RFPL1: variants seen among roughly 807,000 people sequenced by gnomAD.
RFPL1 encodes ret finger protein like 1.
Under a neutral mutation model 9.6 loss-of-function variants are expected in RFPL1, and 6 were observed. The ratio of observed to expected loss-of-function variants is 0.62; its 90% CI spans 0.34 to 1.23. The LOEUF is 1.23. Among genes scored for constraint, RFPL1 ranks in the 50% most tolerant of loss-of-function variants. The probability of loss-of-function intolerance (pLI) is 0.03; values close to 1 mark genes in which losing one functional copy is unlikely to be tolerated. For synonymous variants in RFPL1, 145 were observed against 149.4 expected (o/e 0.97, Z 0.22); for missense variants, 352 against 398.4 (o/e 0.88, Z 0.99).
rs898104195 is a variant in RFPL1, at chr22:29,438,627, T to C, written c.-165T>C. The C allele has an allele frequency of 7.5e-6, 11 of 1,458,726 alleles. No individual in the cohort carries two copies. Among genetic ancestry groups the C allele is most frequent in the Admixed American group, 5.2e-5 (2 of 38,694 alleles). 90.4% of individuals were successfully genotyped at this position (1,458,726 alleles called of 1,614,324 possible). On this transcript the variant is annotated 5_prime_UTR_variant, in exon 1 of 2. It removes an upstream start codon present in the reference 5' UTR. Transcript: ENST00000354373. ...CTCAGTTGCTGGGTCACCAGTAGAA[T>C]GGACCCTTCCTCCACCTCAGTTCAG...
At chr22:29,410,411 ATATATAGATATATATATTGTAG>A in the RFPL1 span, among the ~76,000 whole-genome samples, 18 of 93,520 alleles carry the variant, frequency 1.9e-4, no homozygotes, top group African/African-American at 8.2e-4. Context: ...ATATATCTAT[ATATATAGATATATATATTGTAG>A]ATATATATAT....
the RFPL1 span, among the ~76,000 whole-genome samples, chr22:29,417,094 G>T: frequency 0.17 from 25,921 of 151,856 alleles, 2,751 homozygotes; most frequent in East Asian, 0.45. Flanking sequence ...AAGCCAAAAT[G>T]TATGTGTCAC....
chr22:29,414,140 T>C, the RFPL1 span, among the ~76,000 whole-genome samples: 1 of 152,054 alleles, frequency 6.6e-6, no homozygotes, highest in Admixed American at 6.5e-5. Context: ...CTTTCTGACT[T>C]ATTGGAAACA....
At chr22:29,427,954 A>G in the RFPL1 span, among the ~76,000 whole-genome samples, 1 of 152,198 alleles carries the variant, frequency 6.6e-6, no homozygotes, top group African/African-American at 2.4e-5. Flanking sequence ...TCTATATGGT[A>G]TATAAGCCCT....
At chr22:29,415,135 A>G in the RFPL1 span, among the ~76,000 whole-genome samples, 1 of 152,168 alleles carries the variant, frequency 6.6e-6, no homozygotes, top group South Asian at 2.1e-4. Context: ...ACTCAAATGG[A>G]GTGGACAAGT....
the RFPL1 span, among the ~76,000 whole-genome samples, chr22:29,399,273 A>G: frequency 6.6e-6 from 1 of 152,078 alleles, no homozygotes; most frequent in Non-Finnish European, 1.5e-5. Flanking sequence ...AAAAAAAAAA[A>G]AGTTTTAAAA....
intron 1 of RFPL1, 168 bp downstream of exon 1, chr22:29,439,332 T>C (rs1268657249): frequency 9.2e-7 from 1 of 1,087,888 alleles, no homozygotes; most frequent in Non-Finnish European, 1.3e-6. Flanking sequence ...AATCACCTGG[T>C]GATCTCCAAA....
chr22:29,416,087 C>A, the RFPL1 span, among the ~76,000 whole-genome samples: 14,668 of 152,240 alleles, frequency 0.096, 711 homozygotes, highest in African/African-American at 0.11. Context: ...TAGAGAATCC[C>A]TGTCCCCTTC....
the RFPL1 span, among the ~76,000 whole-genome samples, chr22:29,389,501 A>G: frequency 1.3e-5 from 2 of 151,486 alleles, no homozygotes; most frequent in African/African-American, 2.4e-5. Context: ...CCTGGTTAAC[A>G]TGGTGAAACC....
rs1299983652 is a variant in RFPL1 at position 29,438,744 on chromosome 22, A to T, written c.-48A>T. ...GGGATGTGCTTGAGTGTTTGTACTCATGGTCTTGTTCTAGAAGTGACAAAG... is the reference window on the plus strand; with the variant it reads ...GGGATGTGCTTGAGTGTTTGTACTCTTGGTCTTGTTCTAGAAGTGACAAAG... On this transcript the variant is annotated 5_prime_UTR_variant, in exon 1 of 2. An upstream start codon of the reference 5' UTR is lost. Transcript: ENST00000354373. 6.3e-7 allele frequency: 1 copy of T among 1,589,658 alleles called. No individual in the cohort carries two copies. The highest frequency in any genetic ancestry group is 1.7e-5 in the Admixed American group (1 of 58,276).
At chr22:29,440,248 TCCTC>T (rs1353697033) in intron 1 of RFPL1, 1 of 152,218 alleles carries the variant, frequency 6.6e-6, no homozygotes, top group African/African-American at 2.4e-5. Context: ...GGAACCCTCT[TCCTC>T]CTTCCTTGTC....
chr22:29,416,906 C>T, the RFPL1 span, among the ~76,000 whole-genome samples: 10 of 152,180 alleles, frequency 6.6e-5, no homozygotes, highest in South Asian at 4.1e-4. Context: ...ACATGGTACC[C>T]GTGGTCCCAG....
chr22:29,438,830 A>G, exon 1 of RFPL1: 2 of 1,613,854 alleles, frequency 1.2e-6, no homozygotes, highest in Non-Finnish European at 1.7e-6. Flanking sequence ...ACAGGCTTTC[A>G]CCTCACGGAA....
At chr22:29,393,805 C>T in the RFPL1 span, among the ~76,000 whole-genome samples, 1 of 152,122 alleles carries the variant, frequency 6.6e-6, no homozygotes, top group Non-Finnish European at 1.5e-5. Context: ...GACAGAGTCT[C>T]ACTCTTTTTG....
the RFPL1 span, among the ~76,000 whole-genome samples, chr22:29,401,421 A>G: frequency 6.6e-6 from 1 of 152,238 alleles, no homozygotes; most frequent in African/African-American, 2.4e-5. Context: ...TTCCATTTCA[A>G]TGTGACACTT....
the RFPL1 span, among the ~76,000 whole-genome samples, chr22:29,423,911 T>C: frequency 6.6e-6 from 1 of 152,188 alleles, no homozygotes; most frequent in African/African-American, 2.4e-5. Flanking sequence ...AGTACTATTG[T>C]AAGACAATAA....
At chr22:29,389,033 C>T in the RFPL1 span, among the ~76,000 whole-genome samples, 2 of 152,276 alleles carry the variant, frequency 1.3e-5, no homozygotes, top group East Asian at 3.9e-4. Context: ...CGCAGCACTA[C>T]GCCCGGCTAA....
At chr22:29,438,258 C>G (rs1350438063), upstream of RFPL1, 1 of 153,036 alleles carries the variant, frequency 6.5e-6, no homozygotes, top group African/African-American at 2.5e-5. Context: ...TCTTGGCTCA[C>G]TGCAACCTTT....
the RFPL1 span, among the ~76,000 whole-genome samples, chr22:29,412,166 A>G: frequency 6.6e-6 from 1 of 152,178 alleles, no homozygotes; most frequent in South Asian, 2.1e-4. Flanking sequence ...CACAGAGCAG[A>G]CAGGACACGA....
Sources: allele counts gnomAD v4.1 joint callset (sites outside exome capture counted in the v4.1 genomes callset), GRCh38; gene constraint gnomAD v4.1.1; transcripts MANE v1.5; gene names NCBI Gene and HGNC (gene_info 2026-07-23, HGNC 2026-07-21).